ALMS1: variants seen among roughly 807,000 people sequenced by gnomAD.
ALMS1 encodes the protein ALMS1 centrosome and basal body associated protein, also known as centrosome-associated protein ALMS1.
ALMS1 carries 271 observed loss-of-function variants against 352.2 expected under a neutral mutation model. The observed-to-expected ratio is 0.77, with a 90% confidence interval of 0.70 to 0.85. ALMS1 has a LOEUF of 0.85. ALMS1 is among the 40% of genes least tolerant of loss of function. The probability of loss-of-function intolerance (pLI) is 0.00; values close to 1 mark genes in which losing one functional copy is unlikely to be tolerated. For missense variants in ALMS1, 5,445 were observed against 4,870.7 expected (o/e 1.12, Z -3.51); for synonymous variants, 1,865 against 1,761.2 (o/e 1.06, Z -1.48).
chr2:73,603,075 C>T (rs1322377540), intron 20 of ALMS1, among the ~76,000 whole-genome samples, 166 bp from the exon 21 acceptor site: 2 of 152,200 alleles, frequency 1.3e-5, no homozygotes, highest in African/African-American at 4.8e-5. Context: ...GCTGCTGTCC[C>T]TGTTACCCTA....
At chr2:73,536,802 G>C (rs1674039282) in intron 12 of ALMS1, among the ~76,000 whole-genome samples, 1 of 152,186 alleles carries the variant, frequency 6.6e-6, no homozygotes, top group Non-Finnish European at 1.5e-5. Context: ...CAAAGAAAGA[G>C]ATAAATGTCT....
chr2:73,522,625 C>T (rs1382810676), intron 11 of ALMS1, among the ~76,000 whole-genome samples: 2 of 151,858 alleles, frequency 1.3e-5, no homozygotes, highest in Non-Finnish European at 2.9e-5. Context: ...CGCACCACCA[C>T]GCCCAACTAA....
Position 73,573,284 on chromosome 2 carries a change from C to T in ALMS1, c.11407C>T (p.Pro3803Ser), listed in dbSNP as rs189032342. Reference sequence around the variant, plus strand: ...TGGCCATGAAAGAGTATGCTTGTCACCCAGACGAATTAAATTATATAGCAG... The same window carrying T: ...TGGCCATGAAAGAGTATGCTTGTCATCCAGACGAATTAAATTATATAGCAG... ...AFGHERVCLS[P>S]RRIKLYSSIT... The change falls in exon 16 of 23, where the codon CCC (proline) becomes TCC (serine). Residue 3803 changes from proline (P) to serine (S), a missense_variant. Physicochemically the swap from Pro to Ser is moderately conservative, Grantham distance 74. Transcript: ENST00000613296. 271 of 1,614,072 alleles carry T rather than the reference C, an allele frequency of 1.7e-4. No homozygotes were observed. The African/African-American group carries it at 3.1e-3, about 19-fold the overall frequency.
rs2103774625 is a variant in ALMS1, at chr2:73,448,816, T to G, written c.2289T>G (p.Ser763=). ...KTEIPAVQSS[S]YSQREKPSIL... ...AGATACCAGCAGTACAGTCTAGTTCTTACTCACAAAGAGAAAAGCCTAGTA... is the reference window on the plus strand; with the variant it reads ...AGATACCAGCAGTACAGTCTAGTTCGTACTCACAAAGAGAAAAGCCTAGTA... Residue 763 remains serine (S), a synonymous_variant, in exon 8 of 23, where the codon TCT becomes TCG. Coordinates refer to ENST00000613296, the MANE Select transcript of ALMS1 (RefSeq NM_001378454.1). The G allele has an allele frequency of 6.2e-7, 1 of 1,613,714 alleles. No homozygotes were observed. Among genetic ancestry groups the G allele is most frequent in the Non-Finnish European group, 8.5e-7 (1 of 1,179,892 alleles).
intron 13 of ALMS1, among the ~76,000 whole-genome samples, chr2:73,551,132 T>C (rs979518259): frequency 4.6e-5 from 7 of 152,324 alleles, no homozygotes; most frequent in Admixed American, 4.6e-4. Flanking sequence ...GTGCTGAGAT[T>C]ACAGGCATGA....
intron 16 of ALMS1, among the ~76,000 whole-genome samples, chr2:73,578,287 C>A (rs1401497159): frequency 1.3e-5 from 2 of 152,136 alleles, no homozygotes. Flanking sequence ...TAAAGTAAGT[C>A]TCTTTTAGAC....
In ALMS1 at chr2:73,450,109, A is replaced by G. The variant is rs768478218; in HGVS notation, c.3582A>G (p.Gln1194=). 24 of 1,613,816 alleles carry G rather than the reference A, an allele frequency of 1.5e-5. No individual in the cohort carries two copies. Among genetic ancestry groups the G allele is most frequent in the Non-Finnish European group, 1.9e-5 (23 of 1,179,910 alleles). Residue 1194 remains glutamine, a synonymous_variant, in exon 8 of 23, where the codon CAA becomes CAG. Transcript: ENST00000613296. ...IPRVLSTFYS[Q]REKPGIFYQQ... is the part of the protein sequence containing the mutation. ...GAGTACTTTCTACCTTCTACTCACA[A>G]AGAGAGAAACCTGGTATTTTCTATC...
At chr2:73,554,588 C>T (rs1674504912) in intron 13 of ALMS1, among the ~76,000 whole-genome samples, 1 of 151,784 alleles carries the variant, frequency 6.6e-6, no homozygotes, top group African/African-American at 2.4e-5. Context: ...TGGCGGGCGC[C>T]TGTAGTCCCA....
chr2:73,441,380 G>A (rs945508221), intron 7 of ALMS1, among the ~76,000 whole-genome samples: 23 of 152,260 alleles, frequency 1.5e-4, no homozygotes, highest in Admixed American at 9.1e-4. Flanking sequence ...TTTGTTACTG[G>A]CTAGAGGACA....
chr2:73,529,067 G>T (rs1572997546), intron 11 of ALMS1, among the ~76,000 whole-genome samples: 11 of 106,962 alleles, frequency 1.0e-4, no homozygotes, highest in East Asian at 5.8e-4. Flanking sequence ...TTTTTGAGAT[G>T]GACTCTTGCT....
At chr2:73,390,862 C>T (rs1373773003) in intron 1 of ALMS1, among the ~76,000 whole-genome samples, 1 of 151,962 alleles carries the variant, frequency 6.6e-6, no homozygotes, top group Admixed American at 6.6e-5. Flanking sequence ...CCTCCGCCTC[C>T]CGGGTTCAAG....
intron 1 of ALMS1, among the ~76,000 whole-genome samples, chr2:73,387,669 T>C (rs1259929863): frequency 2.6e-5 from 4 of 151,732 alleles, no homozygotes; most frequent in African/African-American, 9.7e-5. Context: ...CTTTGGGGAG[T>C]TGAAGAAAAT....
intron 16 of ALMS1, 110 bp downstream of exon 16, chr2:73,573,534 T>C (rs1674990738): frequency 2.9e-6 from 3 of 1,038,626 alleles, no homozygotes; most frequent in Non-Finnish European, 1.5e-6. Flanking sequence ...TTCCTCTCTA[T>C]ACCATTTCTT....
At chr2:73,544,173 A>C (rs1043999154) in intron 12 of ALMS1, among the ~76,000 whole-genome samples, 7 of 152,234 alleles carry the variant, frequency 4.6e-5, no homozygotes, top group Admixed American at 6.5e-5. Flanking sequence ...ACACCATGGA[A>C]TACTATGCAG....
At chr2:73,559,363 G>A (rs1674610712) in intron 15 of ALMS1, among the ~76,000 whole-genome samples, 4 of 151,828 alleles carry the variant, frequency 2.6e-5, no homozygotes, top group Admixed American at 2.6e-4. Context: ...TTTTGGAAAA[G>A]ATATTAGCAA....
intron 21 of ALMS1, among the ~76,000 whole-genome samples, chr2:73,605,575 A>T (rs188186933): frequency 3.9e-4 from 60 of 152,338 alleles, no homozygotes; most frequent in African/African-American, 1.4e-3. Flanking sequence ...TCAGCCAGGC[A>T]CAGTGGCTCA....
At chr2:73,563,722 C>CAAAAAA (rs1170434973) in intron 15 of ALMS1, among the ~76,000 whole-genome samples, 42 of 51,704 alleles carry the variant, frequency 8.1e-4, no homozygotes, top group African/African-American at 2.7e-3. Context: ...GACTCCATCT[C>CAAAAAA]AAAAAAAAAA....
chr2:73,500,071 A>G (rs898977105), intron 10 of ALMS1, among the ~76,000 whole-genome samples: 4 of 152,232 alleles, frequency 2.6e-5, no homozygotes, highest in Non-Finnish European at 4.4e-5. Flanking sequence ...TAGCAGTGCA[A>G]ACAGACTAAG....
chr2:73,454,290 G>A (rs1156239072), intron 8 of ALMS1: 1 of 974,182 alleles, frequency 1.0e-6, no homozygotes, highest in African/African-American at 1.8e-5. Context: ...CAATAATGTA[G>A]TTAAGTTACA....
Sources: allele counts gnomAD v4.1 joint callset (sites outside exome capture counted in the v4.1 genomes callset), GRCh38; gene constraint gnomAD v4.1.1; transcripts MANE v1.5; gene names NCBI Gene and HGNC (gene_info 2026-07-23, HGNC 2026-07-21).